Variants in C9orf153 observed in about 807,000 individuals in gnomAD.
The protein encoded by C9orf153 is uncharacterized protein C9orf153.
C9orf153 carries 10 observed loss-of-function variants against 9.0 expected under a neutral mutation model. The ratio of observed to expected loss-of-function variants is 1.11; its 90% confidence interval spans 0.69 to 1.89. The LOEUF (loss-of-function observed/expected upper bound fraction) is 1.89. Among genes scored for constraint, C9orf153 ranks in the 40% most tolerant of loss-of-function variants. The probability of loss-of-function intolerance (pLI) is 0.00; values close to 1 mark genes in which losing one functional copy is unlikely to be tolerated. For synonymous variants in C9orf153, 35 were observed against 37.3 expected, an observed-to-expected ratio of 0.94 and a Z score of 0.23; for missense variants, 108 against 111.0, an observed-to-expected ratio of 0.97 and a Z score of 0.12.
chr9:86,227,992 C>G lies in C9orf153; in HGVS notation c.105G>C (p.Lys35Asn). 1 of 1,612,214 alleles carries G rather than the reference C, an allele frequency of 6.2e-7. No homozygotes were observed. The highest frequency in any genetic ancestry group is 1.1e-5 in the South Asian group (1 of 90,740). The change falls in exon 3 of 4, where the codon AAG becomes AAC. Residue 35 changes from lysine to asparagine, a missense_variant. Transcript: ENST00000339137. ...ELYACIENFN[K>N]ESKKSNLLKM... Reference sequence around the variant, plus strand: ...TTAGAAGATTTGATTTCTTGCTCTCCTTATTAAAATTCTCAATACATGCAT... The same window carrying G: ...TTAGAAGATTTGATTTCTTGCTCTCGTTATTAAAATTCTCAATACATGCAT...
chr9:86,233,853 G>C (rs1824522443), intron 1 of C9orf153, among the ~76,000 whole-genome samples: 1 of 152,188 alleles, frequency 6.6e-6, no homozygotes, highest in Admixed American at 6.5e-5. Context: ...GCGGGGCTGA[G>C]GCGGGTGAAT....
intron 1 of C9orf153, among the ~76,000 whole-genome samples, chr9:86,248,466 G>A (rs1010360415): frequency 1.3e-5 from 2 of 152,138 alleles, no homozygotes; most frequent in African/African-American, 4.8e-5. Context: ...GCTTCAGAGA[G>A]TACGCGCGCA....
chr9:86,248,394 A>G (rs1824914762), intron 1 of C9orf153, among the ~76,000 whole-genome samples: 1 of 152,136 alleles, frequency 6.6e-6, no homozygotes, highest in African/African-American at 2.4e-5. Context: ...TCGGCCTCCC[A>G]AAGTGCTGGG....
At chr9:86,234,867 C>G (rs1824545523) in intron 1 of C9orf153, among the ~76,000 whole-genome samples, 1 of 152,112 alleles carries the variant, frequency 6.6e-6, no homozygotes, top group African/African-American at 2.4e-5. Flanking sequence ...TAAAAGACAA[C>G]CCAGCTGAAA....
intron 1 of C9orf153, chr9:86,258,691 T>C (rs1207768897): frequency 6.6e-6 from 1 of 152,230 alleles, no homozygotes; most frequent in African/African-American, 2.4e-5. Flanking sequence ...ACCTGAATTT[T>C]CTTGGGTAAG....
chr9:86,249,058 C>T (rs1017585324), intron 1 of C9orf153, among the ~76,000 whole-genome samples: 4 of 152,180 alleles, frequency 2.6e-5, no homozygotes, highest in Non-Finnish European at 1.5e-5. Context: ...AAGTTTGGTC[C>T]AGGTTTCAGT....
chr9:86,241,057 T>G (rs1824733293), intron 1 of C9orf153, among the ~76,000 whole-genome samples: 1 of 152,118 alleles, frequency 6.6e-6, no homozygotes, highest in African/African-American at 2.4e-5. Context: ...GCTTCTCATA[T>G]TAACGCTTTC....
At chr9:86,236,734 G>A (rs1824602060) in intron 1 of C9orf153, among the ~76,000 whole-genome samples, 1 of 151,640 alleles carries the variant, frequency 6.6e-6, no homozygotes, top group South Asian at 2.1e-4. Flanking sequence ...TAGAGAAGGA[G>A]TAAATGAAGA....
chr9:86,248,829 C>T (rs1192182221), intron 1 of C9orf153, among the ~76,000 whole-genome samples: 1 of 152,142 alleles, frequency 6.6e-6, no homozygotes, highest in Non-Finnish European at 1.5e-5. Flanking sequence ...AGGACCTTCT[C>T]TTAGCCCACC....
chr9:86,249,999 C>T (rs1011070585), intron 1 of C9orf153, among the ~76,000 whole-genome samples: 3 of 152,026 alleles, frequency 2.0e-5, no homozygotes, highest in Non-Finnish European at 2.9e-5. Flanking sequence ...GTTATACGTT[C>T]GTCTTCTTGG....
intron 1 of C9orf153, among the ~76,000 whole-genome samples, chr9:86,242,453 A>T (rs559268668): frequency 1.2e-4 from 18 of 152,140 alleles, no homozygotes; most frequent in South Asian, 2.1e-4. Flanking sequence ...TCTAACTTAC[A>T]TTTATTCTTA....
intron 3 of C9orf153, among the ~76,000 whole-genome samples, chr9:86,225,525 C>A (rs1587795650): frequency 6.6e-6 from 1 of 151,838 alleles, no homozygotes; most frequent in South Asian, 2.1e-4. Context: ...GTGGCGCGAT[C>A]TTGGCTCACC....
chr9:86,223,796 T>C (rs538893453), intron 3 of C9orf153, among the ~76,000 whole-genome samples: 1 of 152,302 alleles, frequency 6.6e-6, no homozygotes, highest in South Asian at 2.1e-4. Flanking sequence ...AGGGTGAAGA[T>C]GTCTTTTGGA....
At chr9:86,242,794 T>C (rs575488754) in intron 1 of C9orf153, among the ~76,000 whole-genome samples, 1 of 152,294 alleles carries the variant, frequency 6.6e-6, no homozygotes, top group East Asian at 1.9e-4. Flanking sequence ...TTCTCCTGCC[T>C]CAGTCTCCTG....
chr9:86,248,790 G>A (rs763333244), intron 1 of C9orf153, among the ~76,000 whole-genome samples: 2 of 152,084 alleles, frequency 1.3e-5, no homozygotes, highest in Non-Finnish European at 2.9e-5. Context: ...CATGAAATGT[G>A]GGCAGGCACT....
intron 1 of C9orf153, among the ~76,000 whole-genome samples, chr9:86,234,313 G>A (rs117651528): frequency 0.023 from 3,541 of 152,272 alleles, 65 homozygotes; most frequent in Non-Finnish European, 0.036. Context: ...AAGCTGAAAT[G>A]GAGAGAACCA....
chr9:86,226,627 C>A (rs1174758854), intron 3 of C9orf153, among the ~76,000 whole-genome samples: 1 of 152,088 alleles, frequency 6.6e-6, no homozygotes, highest in Non-Finnish European at 1.5e-5. Flanking sequence ...AGAGGGTTAT[C>A]ACAAATTGAT....
chr9:86,234,808 A>G (rs1824543695), intron 1 of C9orf153, among the ~76,000 whole-genome samples: 1 of 152,240 alleles, frequency 6.6e-6, no homozygotes, highest in South Asian at 2.1e-4. Flanking sequence ...CATACATCTG[A>G]CAAGGAACTT....
At chr9:86,248,817 C>T (rs961830145) in intron 1 of C9orf153, among the ~76,000 whole-genome samples, 2 of 152,148 alleles carry the variant, frequency 1.3e-5, no homozygotes, top group Admixed American at 6.5e-5. Flanking sequence ...ACCTTCTCAT[C>T]AAGGACCTTC....
Sources: allele counts gnomAD v4.1 joint callset (sites outside exome capture counted in the v4.1 genomes callset), GRCh38; gene constraint gnomAD v4.1.1; transcripts MANE v1.5; gene names NCBI Gene and HGNC (gene_info 2026-07-23, HGNC 2026-07-21).